SLC61A1: variants seen among roughly 807,000 people sequenced by gnomAD.
SLC61A1 encodes solute carrier family 61 member 1.
chr12:53,254,258 C>T, the SLC61A1 span: 1 of 1,523,912 alleles, frequency 6.6e-7, no homozygotes, highest in Non-Finnish European at 8.9e-7. Context: ...ACAGATCTCT[C>T]TGTGACTGAC....
At chr12:53,252,949 C>T in the SLC61A1 span, 2 of 1,614,094 alleles carry the variant, frequency 1.2e-6, no homozygotes, top group Non-Finnish European at 1.7e-6. Flanking sequence ...ATCCCTCCTT[C>T]CTTCGGTTTC....
the SLC61A1 span, chr12:53,253,370 C>T: frequency 1.6e-5 from 26 of 1,614,248 alleles, no homozygotes; most frequent in Non-Finnish European, 2.2e-5. Flanking sequence ...CTTCTGGAAC[C>T]ATGTGCTGGC....
At chr12:53,252,789 A>G in the SLC61A1 span, 34 of 1,605,634 alleles carry the variant, frequency 2.1e-5, 1 homozygote, top group Non-Finnish European at 5.1e-6. Context: ...AAGGATGGAT[A>G]TGGCTCTGAC....
chr12:53,252,805 CCT>C, the SLC61A1 span: 1 of 1,611,172 alleles, frequency 6.2e-7, no homozygotes, highest in Non-Finnish European at 8.5e-7. Flanking sequence ...CTGACTCCCA[CCT>C]CTCTTCCCAG....
chr12:53,253,666 C>T, the SLC61A1 span: 106 of 1,614,082 alleles, frequency 6.6e-5, no homozygotes, highest in South Asian at 2.3e-4. Context: ...TGGACCCACA[C>T]GGGGCCCCTC....
the SLC61A1 span, chr12:53,254,011 G>T: frequency 6.2e-7 from 1 of 1,614,164 alleles, no homozygotes; most frequent in Non-Finnish European, 8.5e-7. Flanking sequence ...CTTGCCTAGG[G>T]CTCCTTGTCC....
At chr12:53,254,343 A>G in the SLC61A1 span, 2 of 909,946 alleles carry the variant, frequency 2.2e-6, no homozygotes, top group Non-Finnish European at 3.3e-6. Flanking sequence ...TGGACTGGAA[A>G]GAAGGTGCCA....
chr12:53,252,899 T>C, the SLC61A1 span: 1 of 1,614,064 alleles, frequency 6.2e-7, no homozygotes, highest in Non-Finnish European at 8.5e-7. Context: ...GCTGGAACTG[T>C]CAAGATGCCG....
the SLC61A1 span, chr12:53,253,431 G>T: frequency 6.2e-7 from 1 of 1,614,150 alleles, no homozygotes; most frequent in Admixed American, 1.7e-5. Context: ...ATAGGGCTGG[G>T]GCCTGTAGCG....
the SLC61A1 span, chr12:53,252,051 CGGGCGGGCGGGGCG>C: frequency 1.9e-5 from 3 of 161,360 alleles, no homozygotes; most frequent in African/African-American, 2.3e-4. Context: ...GGAAGGAGGG[CGGGCGGGCGGGGCG>C]GGGCGGGGTT....
chr12:53,251,828 C>G, the SLC61A1 span: 1 of 1,537,300 alleles, frequency 6.5e-7, no homozygotes, highest in African/African-American at 1.4e-5. Flanking sequence ...ACCCTTGGCT[C>G]TACCGGACTG....
At chr12:53,253,118 G>T in the SLC61A1 span, 1 of 1,614,240 alleles carries the variant, frequency 6.2e-7, no homozygotes, top group Non-Finnish European at 8.5e-7. Context: ...TGGCCTAGTG[G>T]CCTCCTCCCT....
At chr12:53,251,778 C>T in the SLC61A1 span, 20 of 1,537,136 alleles carry the variant, frequency 1.3e-5, no homozygotes, top group Non-Finnish European at 3.5e-6. Flanking sequence ...AGGAGACCTT[C>T]TCGGCTTCGG....
At chr12:53,253,881 T>A in the SLC61A1 span, 1 of 1,614,226 alleles carries the variant, frequency 6.2e-7, no homozygotes, top group Non-Finnish European at 8.5e-7. Context: ...GCCTTTCTAC[T>A]TATTGAGTTG....
At chr12:53,252,006 C>T in the SLC61A1 span, 4 of 1,535,204 alleles carry the variant, frequency 2.6e-6, no homozygotes, top group Non-Finnish European at 3.5e-6. Context: ...CTTCCCGACC[C>T]ACCCCAGGCG....
chr12:53,252,475 G>A, the SLC61A1 span: 1 of 1,304,724 alleles, frequency 7.7e-7, no homozygotes, highest in Non-Finnish European at 9.7e-7. Context: ...TCCGCAGCGA[G>A]GACGGGAGGT....
the SLC61A1 span, chr12:53,252,101 T>C: frequency 0.58 from 848,385 of 1,451,090 alleles, 252,550 homozygotes; most frequent in East Asian, 0.81. Flanking sequence ...CGTCACGTGA[T>C]GAAGCCATCA....
chr12:53,253,718 G>T, the SLC61A1 span: 2 of 1,614,010 alleles, frequency 1.2e-6, no homozygotes, highest in Non-Finnish European at 1.7e-6. Flanking sequence ...CAGCCTGCTT[G>T]GCTCTTCCCT....
the SLC61A1 span, chr12:53,252,918 C>A: frequency 6.2e-7 from 1 of 1,614,208 alleles, no homozygotes; most frequent in Non-Finnish European, 8.5e-7. Context: ...CGGGCTAAAC[C>A]CCCTGGAAGG....
Sources: allele counts gnomAD v4.1 joint callset, GRCh38; gene constraint gnomAD v4.1.1; transcripts MANE v1.5; gene names NCBI Gene and HGNC (gene_info 2026-07-23, HGNC 2026-07-21).